The following FMN2 variants were observed in gnomAD, a reference collection of about 807,000 sequenced individuals.
The protein encoded by FMN2 is formin 2.
A neutral mutation model predicts 142.3 loss-of-function variants in FMN2; 51 were observed. That is an observed-to-expected ratio of 0.36 (90% CI 0.29 to 0.45). The LOEUF is 0.45. Among genes scored for constraint, FMN2 ranks in the 20% least tolerant of loss-of-function variants. The pLI is 1.00. For missense variants in FMN2, 1,936 were observed against 2,122.8 expected (o/e 0.91, Z 1.73); for synonymous variants, 882 against 869.8 (o/e 1.01, Z -0.25).
chr1:240,110,395 G>A (rs1661766587), intron 1 of FMN2, among the ~76,000 whole-genome samples: 1 of 152,192 alleles, frequency 6.6e-6, no homozygotes, highest in Non-Finnish European at 1.5e-5. Flanking sequence ...ACATTGTATA[G>A]CCCTGTTCAA....
Position 240,172,280 on chromosome 1 carries a change from A to T in FMN2, c.1783-5641A>T, listed in dbSNP as rs77724755. 2.8e-4 allele frequency among the ~76,000 whole-genome samples: 43 copies of T among 152,262 alleles called. No individual in the cohort carries two copies. The East Asian group carries it at 7.9e-3, about 28-fold the overall frequency. ...AGGGCAATTGTTAATTGAATGCAAA[A>T]CTGGTTGACAAACAGCACAAATGCC... On this transcript the variant is annotated intron_variant, in intron 2 of 17. Transcript: ENST00000319653.
chr1:240,137,196 G>C (rs1401898996), intron 2 of FMN2, among the ~76,000 whole-genome samples: 1 of 150,646 alleles, frequency 6.6e-6, no homozygotes, highest in Non-Finnish European at 1.5e-5. Flanking sequence ...TTTTTTTTTA[G>C]GTCCTCCCAA....
intron 6 of FMN2, among the ~76,000 whole-genome samples, chr1:240,250,048 T>A (rs1668225254): frequency 6.6e-6 from 1 of 152,180 alleles, no homozygotes; most frequent in Non-Finnish European, 1.5e-5. Context: ...CAGTTTGACT[T>A]CCTGTCTTTC....
chr1:240,096,821 T>C (rs970078202), intron 1 of FMN2, among the ~76,000 whole-genome samples: 1 of 152,212 alleles, frequency 6.6e-6, no homozygotes, highest in African/African-American at 2.4e-5. Context: ...CATGTCTGTG[T>C]CTCTTTGGTA....
intron 3 of FMN2, among the ~76,000 whole-genome samples, chr1:240,184,863 T>C (rs1665335794): frequency 1.3e-5 from 2 of 152,050 alleles, no homozygotes; most frequent in Non-Finnish European, 2.9e-5. Flanking sequence ...TCTTCAGCCA[T>C]TACTGGTACA....
intron 2 of FMN2, among the ~76,000 whole-genome samples, chr1:240,159,974 T>TATATACACACAC (rs1202421069): frequency 0.029 from 3,952 of 133,974 alleles, 176 homozygotes; most frequent in African/African-American, 0.085. Flanking sequence ...TATATATATA[T>TATATACACACAC]ACACACACAC....
rs1323534180 is a variant in FMN2 at position 240,444,088 on chromosome 1, C to G, written c.5060+5878C>G. 2.6e-5 allele frequency among the ~76,000 whole-genome samples: 4 copies of G among 152,294 alleles called. 1 individual carries two copies. The South Asian group carries it at 6.2e-4, about 24-fold the overall frequency. ...GGGTTAGGCTTCCAGAACAACATCA[C>G]TTCTCTGTTGTAAGTTGCGCTCAGT... On this transcript the variant is annotated intron_variant, in intron 16 of 17. Transcript: ENST00000319653.
At chr1:240,445,980 G>A (rs911506717) in intron 16 of FMN2, among the ~76,000 whole-genome samples, 1 of 152,098 alleles carries the variant, frequency 6.6e-6, no homozygotes, top group African/African-American at 2.4e-5. Context: ...TTTGGAATCA[G>A]AAAATTGTAA....
intron 16 of FMN2, among the ~76,000 whole-genome samples, chr1:240,461,353 A>G (rs1243387089): frequency 1.3e-5 from 2 of 152,106 alleles, no homozygotes; most frequent in Non-Finnish European, 2.9e-5. Context: ...AATTTAAAGG[A>G]GATGGTTATC....
At chr1:240,145,193 T>G in intron 2 of FMN2, 2 of 1,430,884 alleles carry the variant, frequency 1.4e-6, no homozygotes, top group Non-Finnish European at 2.0e-6. Context: ...CCCGAGTCAT[T>G]CCACAAGCAT....
At chr1:240,318,962 G>C (rs1467833154) in intron 8 of FMN2, among the ~76,000 whole-genome samples, 2 of 152,170 alleles carry the variant, frequency 1.3e-5, no homozygotes, top group African/African-American at 4.8e-5. Flanking sequence ...AAGAAAACCT[G>C]ACTTGATTTT....
intron 16 of FMN2, among the ~76,000 whole-genome samples, chr1:240,451,399 G>C (rs59437174): frequency 0.18 from 27,636 of 151,786 alleles, 2,909 homozygotes; most frequent in African/African-American, 0.28. Flanking sequence ...AGAATTGCAG[G>C]TGTGTTGGCT....
At chr1:240,295,975 T>C (rs1669962850) in intron 8 of FMN2, among the ~76,000 whole-genome samples, 1 of 152,310 alleles carries the variant, frequency 6.6e-6, no homozygotes, top group Admixed American at 6.5e-5. Flanking sequence ...CATAGCTCAC[T>C]GTGGTTTTGA....
chr1:240,280,483 C>T (rs7554349), intron 7 of FMN2, among the ~76,000 whole-genome samples: 2 of 151,906 alleles, frequency 1.3e-5, no homozygotes, highest in Non-Finnish European at 2.9e-5. Flanking sequence ...ATCACTGTGC[C>T]CCTTTTAGAG....
At chr1:240,418,913 C>G (rs536478639) in intron 15 of FMN2, among the ~76,000 whole-genome samples, 1 of 152,178 alleles carries the variant, frequency 6.6e-6, no homozygotes, top group East Asian at 1.9e-4. Flanking sequence ...TCGAGACCAG[C>G]CTGGCCAACA....
chr1:240,472,695 C>T (rs1676849846), intron 17 of FMN2, among the ~76,000 whole-genome samples: 1 of 151,886 alleles, frequency 6.6e-6, no homozygotes, highest in Admixed American at 6.6e-5. Flanking sequence ...GCCTGTAATT[C>T]CAGCACTTTG....
At chr1:240,272,391 T>C (rs142422798) in intron 7 of FMN2, among the ~76,000 whole-genome samples, 190 of 152,308 alleles carry the variant, frequency 1.2e-3, no homozygotes, top group African/African-American at 4.3e-3. Flanking sequence ...TCCTTTGGCA[T>C]AATCCTTGAG....
intron 2 of FMN2, chr1:240,171,309 C>T: frequency 1.4e-6 from 1 of 709,302 alleles, no homozygotes. Context: ...AAAGAGAAAA[C>T]CAGCGTCCAT....
intron 16 of FMN2, chr1:240,458,689 G>A (rs1276769920): frequency 3.3e-5 from 5 of 152,156 alleles, no homozygotes; most frequent in Non-Finnish European, 7.4e-5. Context: ...CATGAAAACC[G>A]TCAAATGTAA....
Sources: gnomAD v4.1 joint callset for allele counts (sites outside exome capture counted in the v4.1 genomes callset) on GRCh38, gnomAD v4.1.1 for gene constraint, MANE v1.5 for transcripts, NCBI Gene and HGNC (gene_info 2026-07-23, HGNC 2026-07-21) for gene names.